The following SHROOM4 variants were observed in gnomAD, a reference collection of about 807,000 sequenced individuals.
SHROOM4 encodes protein Shroom4.
A neutral mutation model predicts 80.3 loss-of-function variants in SHROOM4; 17 were observed. The observed-to-expected ratio is 0.21, with a 90% CI of 0.14 to 0.32. The LOEUF (loss-of-function observed/expected upper bound fraction) is 0.32, where lower values mean the gene tolerates loss of function less well. Ranked by LOEUF, SHROOM4 falls within the 10% of genes least tolerant of loss-of-function variation. SHROOM4 has a pLI of 1.00. For missense variants in SHROOM4, 993 were observed against 1,140.3 expected, an observed-to-expected ratio of 0.87 and a Z score of 1.86; for synonymous variants, 400 against 437.5, an observed-to-expected ratio of 0.91 and a Z score of 1.07.
intron 4 of SHROOM4, among the ~76,000 whole-genome samples, chrX:50,631,991 C>T (rs1347210575): frequency 9.0e-6 from 1 of 111,610 alleles, no homozygotes; most frequent in African/African-American, 3.3e-5. Flanking sequence ...AATTTACTTC[C>T]AGTGAAATGC....
intron 1 of SHROOM4, among the ~76,000 whole-genome samples, chrX:50,803,455 T>C (rs1162017088): frequency 3.6e-5 from 4 of 111,999 alleles, no homozygotes; most frequent in East Asian, 5.6e-4. Flanking sequence ...AACAAACTGG[T>C]CTCAGTCTTC....
At chrX:50,740,100 C>T (rs1230093640) in intron 1 of SHROOM4, among the ~76,000 whole-genome samples, 5 of 75,120 alleles carry the variant, frequency 6.7e-5, no homozygotes, top group African/African-American at 2.5e-4. Flanking sequence ...CCAAACACCG[C>T]ATGTTCTCAC....
intron 1 of SHROOM4, among the ~76,000 whole-genome samples, chrX:50,758,273 G>A (rs782020234): frequency 2.3e-3 from 261 of 111,789 alleles, no homozygotes; most frequent in African/African-American, 7.9e-3. Flanking sequence ...GGTAAGTGTA[G>A]ACATATTTGT....
chrX:50,638,263 C>T lies in SHROOM4; in HGVS notation c.315G>A (p.Lys105=). The T allele has an allele frequency of 8.3e-7, 1 of 1,211,768 alleles. No homozygotes were observed. Among genetic ancestry groups the T allele is most frequent in the East Asian group, 3.0e-5 (1 of 33,810 alleles). The change falls in exon 3 of 9, where the codon AAG becomes AAA. Residue 105 remains lysine (K), a synonymous_variant. Transcript: ENST00000376020. The stretch of plus-strand genomic sequence containing the variant: ...CTGCTTCAGGGCATCCCTCCAGCAG[C>T]TTGGCCACATGCCATGAGTGCGGCC... ...VSRPHSWHVA[K]LLEGCPEAAT... is the part of the protein sequence containing the mutation.
intron 5 of SHROOM4, among the ~76,000 whole-genome samples, chrX:50,621,276 C>T (rs1448428116): frequency 9.0e-6 from 1 of 111,682 alleles, no homozygotes; most frequent in Non-Finnish European, 1.9e-5. Flanking sequence ...TCTAGAAGCT[C>T]TTTTTTAATT....
At chrX:50,736,430 C>A (rs1934494558) in intron 1 of SHROOM4, among the ~76,000 whole-genome samples, 1 of 110,765 alleles carries the variant, frequency 9.0e-6, no homozygotes, top group African/African-American at 3.3e-5. Context: ...CCCAACAAGC[C>A]CCAATATGTG....
chrX:50,756,591 ACAC>A (rs1445846298), intron 1 of SHROOM4, among the ~76,000 whole-genome samples: 2 of 112,411 alleles, frequency 1.8e-5, no homozygotes, highest in Non-Finnish European at 3.8e-5. Flanking sequence ...CCAAAGAACT[ACAC>A]CATTTTGCAT....
chrX:50,615,310 T>C (rs1011133142), intron 5 of SHROOM4, among the ~76,000 whole-genome samples: 1 of 111,440 alleles, frequency 9.0e-6, no homozygotes. Context: ...CTCCCACACT[T>C]CTTTTTGCCT....
Position 50,694,936 on chromosome X carries a change from GA to G in SHROOM4, c.269+849del, listed in dbSNP as rs782428169. Among the ~76,000 whole-genome samples, 182 of 98,383 alleles carry G rather than the reference GA, an allele frequency of 1.8e-3. 1 individual carries two copies. In the East Asian group the frequency reaches 0.025, roughly 14 times the overall value. The allele number at this position is 98,383 out of a possible 115,157, so 85.4% of individuals were successfully genotyped here. On this transcript the variant is annotated intron_variant, in intron 2 of 8. Coordinates refer to ENST00000376020, the MANE Select transcript of SHROOM4 (RefSeq NM_020717.5). ...AACTTAGGTGTGTATATACGATAAAGAAAAAAAAAAACAATAGAAAGGGAGA... is the reference window on the plus strand; with the variant it reads ...AACTTAGGTGTGTATATACGATAAAGAAAAAAAAAACAATAGAAAGGGAGA...
chrX:50,737,336 C>T (rs1934520000), intron 1 of SHROOM4, among the ~76,000 whole-genome samples: 1 of 110,378 alleles, frequency 9.1e-6, no homozygotes, highest in South Asian at 3.8e-4. Flanking sequence ...CAGAAAAAAA[C>T]CAACAAAATA....
chrX:50,673,264 G>C (rs1932816664), intron 2 of SHROOM4, among the ~76,000 whole-genome samples: 1 of 111,022 alleles, frequency 9.0e-6, no homozygotes, highest in African/African-American at 3.3e-5. Flanking sequence ...TAATTTTATT[G>C]TAAAAAGAGA....
intron 2 of SHROOM4, among the ~76,000 whole-genome samples, chrX:50,689,454 C>T (rs1933166774): frequency 8.9e-6 from 1 of 111,942 alleles, no homozygotes; most frequent in African/African-American, 3.2e-5. Flanking sequence ...ATACAGTACC[C>T]TAAGACTTTA....
At chrX:50,760,623 C>T (rs1187319667) in intron 1 of SHROOM4, among the ~76,000 whole-genome samples, 1 of 111,831 alleles carries the variant, frequency 8.9e-6, no homozygotes, top group African/African-American at 3.2e-5. Context: ...CAGACATGAA[C>T]AAGCACACCT....
intron 1 of SHROOM4, among the ~76,000 whole-genome samples, chrX:50,804,393 G>A (rs1936184937): frequency 1.8e-5 from 2 of 111,612 alleles, no homozygotes; most frequent in South Asian, 7.5e-4. Context: ...CTTTGACCCT[G>A]ACCTCTGAGG....
chrX:50,695,724 C>T (rs1358684158), intron 2 of SHROOM4, 62 bp downstream of exon 2: 1 of 1,140,463 alleles, frequency 8.8e-7, no homozygotes, highest in Non-Finnish European at 1.2e-6. Flanking sequence ...CTCTATTGAG[C>T]TTTATTACCA....
intron 5 of SHROOM4, among the ~76,000 whole-genome samples, chrX:50,617,684 C>A (rs911119069): frequency 9.9e-6 from 1 of 101,154 alleles, no homozygotes; most frequent in African/African-American, 3.6e-5. Flanking sequence ...AGAACATGCC[C>A]TTCTAGGGAC....
At chrX:50,758,466 T>C (rs1325705637) in intron 1 of SHROOM4, among the ~76,000 whole-genome samples, 1 of 112,391 alleles carries the variant, frequency 8.9e-6, no homozygotes, top group Non-Finnish European at 1.9e-5. Flanking sequence ...ATGTATGCAG[T>C]TTATCATGTT....
intron 2 of SHROOM4, among the ~76,000 whole-genome samples, chrX:50,660,006 T>A (rs1715065537): frequency 8.9e-6 from 1 of 112,458 alleles, no homozygotes; most frequent in Non-Finnish European, 1.9e-5. Context: ...AAGTAATGAA[T>A]ACTGAAGTTG....
chrX:50,657,281 G>A (rs1932343497), intron 2 of SHROOM4, among the ~76,000 whole-genome samples: 1 of 111,094 alleles, frequency 9.0e-6, no homozygotes, highest in African/African-American at 3.3e-5. Context: ...AGGACTTTCA[G>A]TACTATGTTT....
Sources: gnomAD v4.1 joint callset for allele counts (sites outside exome capture counted in the v4.1 genomes callset) on GRCh38, gnomAD v4.1.1 for gene constraint, MANE v1.5 for transcripts, NCBI Gene and HGNC (gene_info 2026-07-23, HGNC 2026-07-21) for gene names.